Variants in SDK1 observed in about 807,000 individuals in gnomAD.
SDK1 encodes the protein protein sidekick-1.
A neutral mutation model predicts 245.5 loss-of-function variants in SDK1; 157 were observed. That is an observed-to-expected ratio of 0.64 (90% CI 0.56 to 0.73). SDK1 has a LOEUF of 0.73. Among genes scored for constraint, SDK1 ranks in the 30% least tolerant of loss-of-function variants. SDK1 has a pLI of 0.00. For missense variants in SDK1, 3,583 were observed against 3,002.3 expected (o/e 1.19, Z -4.52); for synonymous variants, 1,647 against 1,278.5 (o/e 1.29, Z -6.15).
intron 4 of SDK1, among the ~76,000 whole-genome samples, chr7:3,647,610 A>G (rs527953882): frequency 1.3e-5 from 2 of 151,722 alleles, no homozygotes; most frequent in South Asian, 4.2e-4. Context: ...TTGTATTTTT[A>G]TTGGAGACTT....
chr7:4,071,206 G>A (rs1340609638), intron 20 of SDK1, among the ~76,000 whole-genome samples: 1 of 151,370 alleles, frequency 6.6e-6, no homozygotes, highest in Non-Finnish European at 1.5e-5. Context: ...TGTATTTTTA[G>A]TAGAGACAGG....
chr7:3,941,907 CT>C (rs72338979), intron 5 of SDK1, among the ~76,000 whole-genome samples: 394 of 128,196 alleles, frequency 3.1e-3, no homozygotes, highest in African/African-American at 6.1e-3. Context: ...AGACTTCATT[CT>C]TTTTTTTTTT....
In SDK1 at chr7:4,141,881, C is replaced by T. The variant is rs151016169; in HGVS notation, c.4229-3841C>T. On this transcript the variant is annotated intron_variant, in intron 28 of 44. Transcript: ENST00000404826. Reference sequence around the variant, plus strand: ...AAGTGATTCTCCTGCCTCAGCCTCCCGAGCAGTTGGCATTACAGGCACCTG... The same window carrying T: ...AAGTGATTCTCCTGCCTCAGCCTCCTGAGCAGTTGGCATTACAGGCACCTG... Among the ~76,000 whole-genome samples, 543 of 151,850 alleles carry T rather than the reference C, an allele frequency of 3.6e-3. 7 individuals carry two copies. Among genetic ancestry groups the T allele is most frequent in the African/African-American group, 0.012 (504 of 41,388 alleles).
intron 1 of SDK1, among the ~76,000 whole-genome samples, chr7:3,378,682 T>C (rs531678734): frequency 6.6e-6 from 1 of 152,196 alleles, no homozygotes; most frequent in East Asian, 1.9e-4. Context: ...CTGTTCACAT[T>C]TGTAGGTAAG....
At chr7:3,578,330 T>G (rs1335306938) in intron 1 of SDK1, among the ~76,000 whole-genome samples, 1 of 152,030 alleles carries the variant, frequency 6.6e-6, no homozygotes, top group Non-Finnish European at 1.5e-5. Context: ...AAAGATCACA[T>G]GCTTCAAAGG....
intron 17 of SDK1, among the ~76,000 whole-genome samples, chr7:4,022,750 CTCG>C (rs1410402479): frequency 6.6e-6 from 1 of 151,732 alleles, no homozygotes; most frequent in Non-Finnish European, 1.5e-5. Flanking sequence ...GGCCACACTC[CTCG>C]TTTTTCTTTT....
At chr7:3,770,578 G>T (rs906346097) in intron 4 of SDK1, among the ~76,000 whole-genome samples, 1 of 152,240 alleles carries the variant, frequency 6.6e-6, no homozygotes, top group African/African-American at 2.4e-5. Flanking sequence ...CAACGTCTGA[G>T]TGGAGTAGAG....
chr7:4,117,857 T>C (rs1243303292), intron 25 of SDK1, among the ~76,000 whole-genome samples: 2 of 152,208 alleles, frequency 1.3e-5, no homozygotes, highest in Non-Finnish European at 2.9e-5. Context: ...CTTGAAGGCC[T>C]TTCCCTCCTT....
chr7:4,157,338 A>T (rs1780797696), intron 30 of SDK1, among the ~76,000 whole-genome samples: 1 of 147,838 alleles, frequency 6.8e-6, no homozygotes, highest in Non-Finnish European at 1.5e-5. Context: ...GAAGGGAGAG[A>T]AGGGAAGAAG....
At chr7:3,757,970 A>G (rs1218810626) in intron 4 of SDK1, among the ~76,000 whole-genome samples, 1 of 152,112 alleles carries the variant, frequency 6.6e-6, no homozygotes, top group Non-Finnish European at 1.5e-5. Flanking sequence ...CTTATCACTC[A>G]TGAAATTCCA....
chr7:3,795,868 A>G (rs1379527043), intron 4 of SDK1, among the ~76,000 whole-genome samples: 3 of 152,242 alleles, frequency 2.0e-5, no homozygotes, highest in African/African-American at 7.2e-5. Flanking sequence ...GCTCAGAATA[A>G]TATCAGAGAG....
At chr7:3,828,624 A>C (rs553230901) in intron 5 of SDK1, among the ~76,000 whole-genome samples, 1 of 150,526 alleles carries the variant, frequency 6.6e-6, no homozygotes, top group South Asian at 2.1e-4. Context: ...TATGGTTAAA[A>C]ACATTTTTTT....
chr7:3,896,858 C>G (rs1781622124), intron 5 of SDK1, among the ~76,000 whole-genome samples: 1 of 152,170 alleles, frequency 6.6e-6, no homozygotes, highest in African/African-American at 2.4e-5. Flanking sequence ...TGTTTTCACA[C>G]TGCTATAAAT....
In SDK1 at chr7:3,949,655, T is replaced by A. The variant is rs1562560065; in HGVS notation, c.848-1268T>A. On this transcript the variant is annotated intron_variant, in intron 5 of 44. Coordinates refer to ENST00000404826, the MANE Select transcript of SDK1 (RefSeq NM_152744.4). Reference sequence around the variant, plus strand: ...TCTAGAAATGTTGGATTGGTCTTCATTTTCTCTAAATAAACAGTAGTAAAG... The same window carrying A: ...TCTAGAAATGTTGGATTGGTCTTCAATTTCTCTAAATAAACAGTAGTAAAG... Among the ~76,000 whole-genome samples the A allele has an allele frequency of 3.3e-5, 5 of 152,354 alleles. No individual in the cohort carries two copies. In the South Asian group the frequency reaches 8.3e-4, roughly 25 times the overall value.
At chr7:3,623,958 G>T (rs1408388495) in intron 2 of SDK1, among the ~76,000 whole-genome samples, 1 of 152,066 alleles carries the variant, frequency 6.6e-6, no homozygotes, top group South Asian at 2.1e-4. Flanking sequence ...TAAGGGAAAG[G>T]TTATTTTTTT....
intron 1 of SDK1, among the ~76,000 whole-genome samples, chr7:3,448,083 A>G (rs1356838366): frequency 6.6e-6 from 1 of 152,134 alleles, no homozygotes; most frequent in East Asian, 1.9e-4. Context: ...AGTTCAAGGG[A>G]TATGTATACT....
chr7:3,661,721 ATGG>A (rs1245105012), intron 4 of SDK1, among the ~76,000 whole-genome samples: 4 of 152,224 alleles, frequency 2.6e-5, no homozygotes, highest in Admixed American at 2.0e-4. Flanking sequence ...GCAGTATAAA[ATGG>A]TGGCTAAGAA....
Position 4,145,887 on chromosome 7 carries a change from A to G in SDK1, c.4394A>G (p.Glu1465Gly). ...AGGCAGGGCTGGGGGGAGCCACTGG[A>G]GGCCACCGTCATCACCACCGAGAAG... The part of the protein sequence containing the change: ...KTRQGWGEPL[E>G]ATVITTEKRE... Residue 1465 changes from glutamate (E) to glycine (G), a missense_variant, in exon 29 of 45, where the codon GAG (glutamate) becomes GGG (glycine). Transcript: ENST00000404826. 6.3e-7 allele frequency: 1 copy of G among 1,598,758 alleles called. No homozygotes were observed. Among genetic ancestry groups the G allele is most frequent in the Non-Finnish European group, 8.5e-7 (1 of 1,172,690 alleles).
In SDK1 at chr7:3,950,966, TC is replaced by T; in HGVS notation, c.896del (p.Pro299ArgfsTer18). ...PETMAPTIVV[P>X]PGNRSVVAGS... is the part of the protein sequence containing the mutation. ...AAACCATGGCCCCAACCATTGTGGT[TC>T]CCCCGGGCAACAGAAGTGTGGTGGC... On this transcript the variant is annotated frameshift_variant, in exon 6 of 45. Transcript: ENST00000404826. LOFTEE classifies it high-confidence loss of function. 6.2e-7 allele frequency: 1 copy of T among 1,613,954 alleles called. No individual in the cohort carries two copies. The highest frequency in any genetic ancestry group is 8.5e-7 in the Non-Finnish European group (1 of 1,179,974).
Sources: gnomAD v4.1 joint callset for allele counts (sites outside exome capture counted in the v4.1 genomes callset) on GRCh38, gnomAD v4.1.1 for gene constraint, MANE v1.5 for transcripts, NCBI Gene and HGNC (gene_info 2026-07-23, HGNC 2026-07-21) for gene names.